The following POFUT3 variants were observed in gnomAD, a reference collection of about 807,000 sequenced individuals.
POFUT3 encodes the protein protein O-fucosyltransferase 3.
chr8:33,412,071 T>TAACATACG, the POFUT3 span, among the ~76,000 whole-genome samples: 3 of 152,156 alleles, frequency 2.0e-5, no homozygotes, highest in African/African-American at 7.2e-5. Context: ...TTGACAGAAT[T>TAACATACG]AACATACGAA....
chr8:33,469,548 G>C, the POFUT3 span, among the ~76,000 whole-genome samples: 1 of 152,080 alleles, frequency 6.6e-6, no homozygotes, highest in South Asian at 2.1e-4. Context: ...GTGATTAATG[G>C]GGAAAGAGGT....
chr8:33,332,254 C>T, the POFUT3 span, among the ~76,000 whole-genome samples: 48 of 149,074 alleles, frequency 3.2e-4, no homozygotes, highest in Non-Finnish European at 6.1e-4. Flanking sequence ...GAGGCCGAGG[C>T]GGGCAGATTA....
the POFUT3 span, among the ~76,000 whole-genome samples, chr8:33,339,299 C>T: frequency 6.6e-6 from 1 of 152,098 alleles, no homozygotes; most frequent in Admixed American, 6.5e-5. Flanking sequence ...ATAAAAAGCT[C>T]ATTGAGTAGG....
the POFUT3 span, chr8:33,394,165 A>G: frequency 5.3e-3 from 1,109 of 210,750 alleles, 9 homozygotes; most frequent in African/African-American, 0.024. Context: ...AGCCTGGGTG[A>G]CAGAGTGAGA....
chr8:33,388,842 G>C, the POFUT3 span: 2 of 805,156 alleles, frequency 2.5e-6, no homozygotes, highest in Non-Finnish European at 4.2e-6. Context: ...TGCAAAGCCC[G>C]GTCTTTCTGA....
At chr8:33,469,766 C>T in the POFUT3 span, among the ~76,000 whole-genome samples, 1 of 149,812 alleles carries the variant, frequency 6.7e-6, no homozygotes, top group Non-Finnish European at 1.5e-5. Context: ...CAGACTGATA[C>T]AATGCCTCAA....
At chr8:33,416,257 A>G in the POFUT3 span, among the ~76,000 whole-genome samples, 1 of 152,272 alleles carries the variant, frequency 6.6e-6, no homozygotes, top group Non-Finnish European at 1.5e-5. Context: ...GAAAGTGGAT[A>G]TCCACGTAGT....
chr8:33,319,376 A>ATT, the POFUT3 span, among the ~76,000 whole-genome samples: 2 of 1,236 alleles, frequency 1.6e-3, no homozygotes, highest in African/African-American at 8.1e-3. Context: ...ATATGTATAT[A>ATT]TTATAGAAAT....
At chr8:33,351,928 A>G in the POFUT3 span, among the ~76,000 whole-genome samples, 5 of 152,226 alleles carry the variant, frequency 3.3e-5, no homozygotes, top group Non-Finnish European at 7.3e-5. Flanking sequence ...TATGTCATCT[A>G]GTTTCACTTC....
the POFUT3 span, among the ~76,000 whole-genome samples, chr8:33,329,526 C>T: frequency 6.6e-6 from 1 of 152,126 alleles, no homozygotes; most frequent in Non-Finnish European, 1.5e-5. Context: ...ATAACTATTA[C>T]CTCTATGACA....
At chr8:33,417,464 G>T in the POFUT3 span, among the ~76,000 whole-genome samples, 2 of 152,144 alleles carry the variant, frequency 1.3e-5, no homozygotes, top group African/African-American at 4.8e-5. Context: ...GTGCCAAAAA[G>T]GTTGGGCACT....
chr8:33,445,171 C>T, the POFUT3 span, among the ~76,000 whole-genome samples: 15 of 152,188 alleles, frequency 9.9e-5, no homozygotes, highest in African/African-American at 3.6e-4. Flanking sequence ...TGAGCTCAAG[C>T]AATCTGCCTG....
chr8:33,373,636 T>G, the POFUT3 span, among the ~76,000 whole-genome samples: 1 of 152,006 alleles, frequency 6.6e-6, no homozygotes, highest in East Asian at 1.9e-4. Flanking sequence ...GTTCAGGATT[T>G]GACCTTCCAA....
the POFUT3 span, among the ~76,000 whole-genome samples, chr8:33,468,603 T>G: frequency 6.6e-6 from 1 of 152,238 alleles, no homozygotes; most frequent in Non-Finnish European, 1.5e-5. Context: ...GCTGAGGAGA[T>G]GCCTAAAGGC....
chr8:33,435,912 T>C, the POFUT3 span, among the ~76,000 whole-genome samples: 3 of 151,776 alleles, frequency 2.0e-5, no homozygotes, highest in Non-Finnish European at 1.5e-5. Context: ...ACTCTATAGG[T>C]CTAGCCTTTG....
At chr8:33,468,014 C>T in the POFUT3 span, among the ~76,000 whole-genome samples, 5 of 152,116 alleles carry the variant, frequency 3.3e-5, no homozygotes, top group South Asian at 2.1e-4. Flanking sequence ...CCAAGGTGGG[C>T]GGATCACCTA....
chr8:33,456,680 T>C, the POFUT3 span, among the ~76,000 whole-genome samples: 1 of 151,990 alleles, frequency 6.6e-6, no homozygotes. Flanking sequence ...TCCCACACTC[T>C]AGAAAAGTTA....
the POFUT3 span, among the ~76,000 whole-genome samples, chr8:33,360,067 C>T: frequency 6.6e-6 from 1 of 151,584 alleles, no homozygotes; most frequent in Non-Finnish European, 1.5e-5. Flanking sequence ...AACTATCTAC[C>T]TCAAATGGTA....
the POFUT3 span, among the ~76,000 whole-genome samples, chr8:33,451,066 A>ATGTGTG: frequency 0.4 from 59,285 of 147,852 alleles, 11,709 homozygotes; most frequent in Middle Eastern, 0.44. Flanking sequence ...AAGGAGGTGT[A>ATGTGTG]TGTGTGTGTG....
Sources: allele counts gnomAD v4.1 joint callset (sites outside exome capture counted in the v4.1 genomes callset), GRCh38; gene constraint gnomAD v4.1.1; transcripts MANE v1.5; gene names NCBI Gene and HGNC (gene_info 2026-07-23, HGNC 2026-07-21).